The following CFAP61 variants were observed in gnomAD, a reference collection of about 807,000 sequenced individuals.
CFAP61 encodes the protein cilia and flagella associated protein 61, also known as cilia- and flagella-associated protein 61.
In CFAP61, 107 loss-of-function variants were observed where a neutral mutation model predicts 135.6. The observed-to-expected ratio is 0.79, with a 90% CI of 0.67 to 0.93. The LOEUF is 0.93. Among genes scored for constraint, CFAP61 ranks in the 40% least tolerant of loss-of-function variants. The pLI, the probability that CFAP61 is intolerant of heterozygous loss-of-function variation, is 0.00. For missense variants in CFAP61, 1,507 were observed against 1,556.2 expected (o/e 0.97, Z 0.53); for synonymous variants, 575 against 578.5 (o/e 0.99, Z 0.09).
chr20:20,307,827 C>T (rs2056570260), intron 25 of CFAP61, among the ~76,000 whole-genome samples: 1 of 152,120 alleles, frequency 6.6e-6, no homozygotes, highest in South Asian at 2.1e-4. Context: ...GATAATGTAC[C>T]TCCCAGGGCA....
chr20:20,258,805 C>T (rs2051891269), intron 20 of CFAP61, among the ~76,000 whole-genome samples: 1 of 152,178 alleles, frequency 6.6e-6, no homozygotes, highest in South Asian at 2.1e-4. Flanking sequence ...CACATGGTAA[C>T]AGATGGAACT....
rs577222624 is a variant in CFAP61, at chr20:20,157,090, C to CT, written c.952-2272dup. The stretch of plus-strand genomic sequence containing the variant: ...TTTCAAGATTAATTATTGTAAGATT[C>CT]TTTTTTTTCTCTCTCTCTATTGCCC... On this transcript the variant is annotated intron_variant, in intron 9 of 26. Transcript: ENST00000245957. 4.9e-3 allele frequency among the ~76,000 whole-genome samples: 739 copies of CT among 152,036 alleles called. 4 individuals carry two copies. Among genetic ancestry groups the CT allele is most frequent in the African/African-American group, 0.017 (704 of 41,476 alleles).
chr20:20,360,466 C>G lies in CFAP61; in HGVS notation c.*56C>G, dbSNP rs553486887. On this transcript the variant is annotated 3_prime_UTR_variant, in exon 27 of 27. Coordinates refer to ENST00000245957, the MANE Select transcript of CFAP61 (RefSeq NM_015585.4). Reference sequence around the variant, plus strand: ...CATTTATTTAGTTCCTGGAAACGCGCTCTGTAGAAATAGAAAAGTTCTCTG... The same window carrying G: ...CATTTATTTAGTTCCTGGAAACGCGGTCTGTAGAAATAGAAAAGTTCTCTG... 60 of 1,522,616 alleles carry G rather than the reference C, an allele frequency of 3.9e-5. No homozygotes were observed. The African/African-American group carries it at 7.6e-4, about 19-fold the overall frequency. 94.3% of individuals were successfully genotyped at this position (1,522,616 alleles called of 1,614,324 possible).
intron 25 of CFAP61, among the ~76,000 whole-genome samples, chr20:20,299,147 C>T (rs1323095793): frequency 6.6e-6 from 1 of 152,108 alleles, no homozygotes. Context: ...TCTCTTGCCT[C>T]TTAAAAATTT....
chr20:20,111,588 T>G (rs2146670370), intron 8 of CFAP61, among the ~76,000 whole-genome samples: 1 of 152,336 alleles, frequency 6.6e-6, no homozygotes, highest in South Asian at 2.1e-4. Flanking sequence ...AGTTATGTCT[T>G]GTTACAAGGA....
In CFAP61 at chr20:20,100,640, T is replaced by C. The variant is rs777789019; in HGVS notation, c.859+1826T>C. ...GAACATTTAAAAATATTTTTTCCCC[T>C]GTGGCTGTTGTAATGAAGAACAAGT... On this transcript the variant is annotated intron_variant, in intron 8 of 26. Transcript: ENST00000245957. Among the ~76,000 whole-genome samples, 59 of 152,324 alleles carry C rather than the reference T, an allele frequency of 3.9e-4. 1 individual carries two copies. The highest frequency in any genetic ancestry group is 7.4e-4 in the Non-Finnish European group (50 of 68,022).
chr20:20,260,425 T>G (rs2052066587), intron 20 of CFAP61, among the ~76,000 whole-genome samples: 1 of 152,252 alleles, frequency 6.6e-6, no homozygotes, highest in Non-Finnish European at 1.5e-5. Context: ...AATTGATGTC[T>G]CCTAAACTCT....
intron 22 of CFAP61, among the ~76,000 whole-genome samples, chr20:20,281,685 A>G (rs2054204349): frequency 6.6e-6 from 1 of 152,196 alleles, no homozygotes. Context: ...ACTATTTTGC[A>G]ACTATATTCA....
chr20:20,059,443 C>T (rs1374163774), intron 2 of CFAP61, among the ~76,000 whole-genome samples: 1 of 149,644 alleles, frequency 6.7e-6, no homozygotes, highest in Non-Finnish European at 1.5e-5. Context: ...ATGGCAAAAC[C>T]CCATCTCTAC....
intron 25 of CFAP61, among the ~76,000 whole-genome samples, chr20:20,308,560 A>AC (rs2056620207): frequency 6.6e-6 from 1 of 152,044 alleles, no homozygotes; most frequent in South Asian, 2.1e-4. Context: ...GTGAGATAAA[A>AC]ATTCTGTCTT....
Position 20,116,785 on chromosome 20 carries a change from G to A in CFAP61, c.859+17971G>A, listed in dbSNP as rs536704350. 7.8e-4 allele frequency among the ~76,000 whole-genome samples: 118 copies of A among 151,936 alleles called. No individual in the cohort carries two copies. The South Asian group carries it at 9.8e-3, about 13-fold the overall frequency. Reference sequence around the variant, plus strand: ...TACTCTTCCTGACCTCTAGTAACCAGCAGTCTATTCTCTATCTTCATGAGA... The same window carrying A: ...TACTCTTCCTGACCTCTAGTAACCAACAGTCTATTCTCTATCTTCATGAGA... On this transcript the variant is annotated intron_variant, in intron 8 of 26. Coordinates refer to ENST00000245957, the MANE Select transcript of CFAP61 (RefSeq NM_015585.4).
chr20:20,267,454 A>G (rs2052861331), intron 21 of CFAP61: 1 of 152,602 alleles, frequency 6.6e-6, no homozygotes, highest in African/African-American at 2.4e-5. Context: ...TGTAGTACCC[A>G]TGCCAGCAGA....
intron 22 of CFAP61, among the ~76,000 whole-genome samples, chr20:20,285,054 A>G (rs1950295783): frequency 6.6e-6 from 1 of 152,204 alleles, no homozygotes; most frequent in African/African-American, 2.4e-5. Context: ...TTTTCACTGA[A>G]TATAGAATTC....
chr20:20,053,226 TAA>T (rs1469567553), intron 1 of CFAP61, among the ~76,000 whole-genome samples: 4 of 151,002 alleles, frequency 2.6e-5, no homozygotes, highest in African/African-American at 9.8e-5. Flanking sequence ...AAGCAAAGGT[TAA>T]GAGAATTTTT....
chr20:20,113,423 T>C (rs2048931552), intron 8 of CFAP61, among the ~76,000 whole-genome samples: 1 of 152,212 alleles, frequency 6.6e-6, no homozygotes, highest in African/African-American at 2.4e-5. Context: ...CCATCTAATA[T>C]GTTTAGCTTT....
intron 25 of CFAP61, among the ~76,000 whole-genome samples, chr20:20,336,625 T>TAAA (rs35891459): frequency 6.8e-6 from 1 of 146,212 alleles, no homozygotes; most frequent in African/African-American, 2.5e-5. Flanking sequence ...AACCTGTCTC[T>TAAA]AAAAAAAAAA....
intron 20 of CFAP61, among the ~76,000 whole-genome samples, chr20:20,255,989 T>C (rs1468126033): frequency 1.3e-5 from 2 of 152,108 alleles, no homozygotes; most frequent in East Asian, 3.9e-4. Flanking sequence ...ACGTGAGAAG[T>C]TCTGATGCCC....
chr20:20,355,288 T>G, intron 26 of CFAP61, among the ~76,000 whole-genome samples: 1 of 104,084 alleles, frequency 9.6e-6, no homozygotes, highest in African/African-American at 3.9e-5. Context: ...GGTCACACTG[T>G]GAGGGGAGGT....
chr20:20,169,796 T>C (rs2054094791), intron 13 of CFAP61, among the ~76,000 whole-genome samples: 1 of 152,196 alleles, frequency 6.6e-6, no homozygotes, highest in African/African-American at 2.4e-5. Context: ...AGTGTGTGTA[T>C]ATAATACATT....
Sources: gnomAD v4.1 joint callset for allele counts (sites outside exome capture counted in the v4.1 genomes callset) on GRCh38, gnomAD v4.1.1 for gene constraint, MANE v1.5 for transcripts, NCBI Gene and HGNC (gene_info 2026-07-23, HGNC 2026-07-21) for gene names.